SLC2A5: variants seen among roughly 807,000 people sequenced by gnomAD.
The protein encoded by SLC2A5 is solute carrier family 2, facilitated glucose transporter member 5.
SLC2A5 carries 56 observed loss-of-function variants against 50.3 expected under a neutral mutation model. The observed-to-expected ratio is 1.11, with a 90% CI of 0.90 to 1.39. The LOEUF (loss-of-function observed/expected upper bound fraction) is 1.39, where lower values mean the gene tolerates loss of function less well. Ranked by LOEUF, SLC2A5 falls within the 40% of genes most tolerant of loss-of-function variation. The probability of loss-of-function intolerance (pLI) is 0.00; values close to 1 mark genes in which losing one functional copy is unlikely to be tolerated. For synonymous variants in SLC2A5, 269 were observed against 281.9 expected (o/e 0.95, Z 0.46); for missense variants, 566 against 650.1 (o/e 0.87, Z 1.41).
rs1389754308 is a variant in SLC2A5, at chr1:9,038,465, G to A, written c.1140C>T (p.Val380=). Residue 380 remains valine (V), a synonymous_variant, in exon 10 of 12, where the codon GTC becomes GTT. Transcript: ENST00000377424. The part of the protein sequence containing the change: ...SWMPYISIVC[V]ISYVIGHALG... Reference sequence around the variant, plus strand: ...GGGCATGTCCTATGACGTAGGAGATGACACAGACGATGCTGATGTATGGCA... The same window carrying A: ...GGGCATGTCCTATGACGTAGGAGATAACACAGACGATGCTGATGTATGGCA... 3 of 1,613,686 alleles carry A rather than the reference G, an allele frequency of 1.9e-6. No individual in the cohort carries two copies. The highest frequency in any genetic ancestry group is 2.5e-6 in the Non-Finnish European group (3 of 1,179,804).
chr1:9,084,007 G>A, intron 2 of SLC2A5, among the ~76,000 whole-genome samples: 1 of 152,042 alleles, frequency 6.6e-6, no homozygotes, highest in African/African-American at 2.4e-5. Flanking sequence ...AGCCGGGCAA[G>A]GTGGCGGGCG....
At chr1:9,078,383 A>G (rs1233330656) in intron 2 of SLC2A5, among the ~76,000 whole-genome samples, 3 of 152,154 alleles carry the variant, frequency 2.0e-5, no homozygotes, top group African/African-American at 7.2e-5. Flanking sequence ...AATGCAGCCC[A>G]GTAGGTCTCA....
At chr1:9,052,816 A>C (rs1481493014) in intron 3 of SLC2A5, among the ~76,000 whole-genome samples, 1 of 151,558 alleles carries the variant, frequency 6.6e-6, no homozygotes, top group Non-Finnish European at 1.5e-5. Context: ...CCAGGAGTTC[A>C]AGACCAGACT....
At chr1:9,039,123 C>T (rs1315088742) in intron 8 of SLC2A5, among the ~76,000 whole-genome samples, 194 bp from the exon 9 acceptor site, 1 of 152,246 alleles carries the variant, frequency 6.6e-6, no homozygotes, top group African/African-American at 2.4e-5. Flanking sequence ...ATGCGGGACC[C>T]CAGCTGCCCA....
intron 1 of SLC2A5, among the ~76,000 whole-genome samples, chr1:9,064,860 C>T (rs1315261048): frequency 6.6e-6 from 1 of 152,072 alleles, no homozygotes. Context: ...CAAGACCAGC[C>T]TGGACAACAT....
upstream of SLC2A5, among the ~76,000 whole-genome samples, chr1:9,074,239 A>G (rs568687139): frequency 2.0e-5 from 3 of 152,318 alleles, no homozygotes; most frequent in East Asian, 3.9e-4. Flanking sequence ...ACCAAAAAGT[A>G]TCTGAGACAG....
chr1:9,073,603 T>A (rs1427419050), upstream of SLC2A5, among the ~76,000 whole-genome samples: 1 of 152,256 alleles, frequency 6.6e-6, no homozygotes, highest in African/African-American at 2.4e-5. Flanking sequence ...TCATTTTGTT[T>A]TCTGTCACTT....
rs1233588855 is a variant in SLC2A5 at position 9,063,917 on chromosome 1, G to A, written c.33+5587C>T. Among the ~76,000 whole-genome samples, 10 of 132,068 alleles carry A rather than the reference G, an allele frequency of 7.6e-5. 1 individual carries two copies. Among genetic ancestry groups the A allele is most frequent in the African/African-American group, 2.3e-4 (7 of 30,580 alleles). The allele number at this position is 132,068 out of a possible 152,430, so 86.6% of individuals were successfully genotyped here. The stretch of plus-strand genomic sequence containing the variant: ...TCACCGTGTTAGCCAGGATGGTCTC[G>A]ATCTCCTGACCTCGTGATCCGCCCG... On this transcript the variant is annotated intron_variant, in intron 1 of 11. Coordinates refer to ENST00000377424, the MANE Select transcript of SLC2A5 (RefSeq NM_003039.3).
intron 3 of SLC2A5, among the ~76,000 whole-genome samples, chr1:9,050,455 TCAAAAA>T (rs904725128): frequency 1.3e-4 from 20 of 151,518 alleles, no homozygotes; most frequent in African/African-American, 4.4e-4. Flanking sequence ...ACACCCTGTC[TCAAAAA>T]CAAAAAACAA....
chr1:9,079,486 T>G (rs1047658926), intron 2 of SLC2A5, among the ~76,000 whole-genome samples: 1 of 152,098 alleles, frequency 6.6e-6, no homozygotes, highest in African/African-American at 2.4e-5. Context: ...TATTTTTGAT[T>G]TATTTCTTTA....
chr1:9,081,725 A>C (rs996564408), intron 2 of SLC2A5, among the ~76,000 whole-genome samples: 2 of 152,146 alleles, frequency 1.3e-5, no homozygotes, highest in African/African-American at 4.8e-5. Flanking sequence ...CAAATCAAAA[A>C]CAAAATGAGG....
Position 9,040,739 on chromosome 1 carries a change from C to T in SLC2A5, c.572-550G>A, listed in dbSNP as rs1333941377. The T allele has an allele frequency of 6.5e-6, 1 of 154,502 alleles. No homozygotes were observed. Among genetic ancestry groups the T allele is most frequent in the African/African-American group, 2.4e-5 (1 of 41,470 alleles). The allele number at this position is 154,502 out of a possible 1,614,324, so 9.6% of individuals were successfully genotyped here. On this transcript the variant is annotated intron_variant, in intron 5 of 11. Coordinates refer to ENST00000377424, the MANE Select transcript of SLC2A5 (RefSeq NM_003039.3). The surrounding 1 kb of genome is among the most constrained non-coding windows in gnomAD (Gnocchi z 4.3). ...CAGAGCTTCACAAATGCCTAGAGGG[C>T]CGTGTGTGGTTCTGAGTCCTGCTAT...
intron 1 of SLC2A5, among the ~76,000 whole-genome samples, chr1:9,067,285 C>T (rs542533266): frequency 2.0e-4 from 30 of 152,314 alleles, no homozygotes; most frequent in South Asian, 1.4e-3. Flanking sequence ...CTCTCAGGAG[C>T]GGGAAGCCCA....
intron 1 of SLC2A5, among the ~76,000 whole-genome samples, chr1:9,067,384 A>G (rs1642109474): frequency 6.6e-6 from 1 of 152,236 alleles, no homozygotes; most frequent in Admixed American, 6.5e-5. Flanking sequence ...TGCCTCTCGC[A>G]TGTGGCCATC....
At chr1:9,063,681 C>CTTTTTTTTTTTTTTT (rs70985579) in intron 1 of SLC2A5, among the ~76,000 whole-genome samples, 5 of 45,144 alleles carry the variant, frequency 1.1e-4, no homozygotes, top group African/African-American at 5.5e-4. Context: ...CTATTATTTA[C>CTTTTTTTTTTTTTTT]TTTTTTTTTT....
intron 1 of SLC2A5, among the ~76,000 whole-genome samples, chr1:9,063,681 CTTTTTTTTTTT>C (rs70985579): frequency 2.4e-3 from 108 of 45,152 alleles, no homozygotes; most frequent in Admixed American, 3.2e-3. Flanking sequence ...CTATTATTTA[CTTTTTTTTTTT>C]TTTTTTTTTT....
chr1:9,043,100 C>A (rs1641346836), intron 4 of SLC2A5, among the ~76,000 whole-genome samples: 1 of 152,084 alleles, frequency 6.6e-6, no homozygotes, highest in Admixed American at 6.6e-5. Context: ...AAAGCACATC[C>A]AGAGGCTGGG....
chr1:9,045,763 A>C (rs1641418444), intron 4 of SLC2A5, among the ~76,000 whole-genome samples: 1 of 151,186 alleles, frequency 6.6e-6, no homozygotes, highest in Admixed American at 6.6e-5. Flanking sequence ...CCAGCTACTC[A>C]GGAGGCTGAG....
upstream of SLC2A5, among the ~76,000 whole-genome samples, chr1:9,089,299 G>A (rs576039313): frequency 2.6e-5 from 4 of 152,250 alleles, no homozygotes; most frequent in East Asian, 5.8e-4. Flanking sequence ...AAGAGCCCCA[G>A]GAAAATCCTA....
Sources: allele counts gnomAD v4.1 joint callset (sites outside exome capture counted in the v4.1 genomes callset), GRCh38; gene constraint gnomAD v4.1.1; non-coding constraint Gnocchi (gnomAD v3.1); transcripts MANE v1.5; gene names NCBI Gene and HGNC (gene_info 2026-07-23, HGNC 2026-07-21).